The following PAK1 variants were observed in gnomAD, a reference collection of about 807,000 sequenced individuals.
PAK1 encodes serine/threonine-protein kinase PAK 1.
Under a neutral mutation model 67.4 loss-of-function variants are expected in PAK1, and 29 were observed. The observed-to-expected ratio is 0.43, with a 90% CI of 0.32 to 0.59. The LOEUF (loss-of-function observed/expected upper bound fraction) is 0.59. PAK1 is among the 20% of genes least tolerant of loss of function. PAK1 has a pLI of 0.07. For synonymous variants in PAK1, 223 were observed against 237.4 expected, an observed-to-expected ratio of 0.94 and a Z score of 0.56; for missense variants, 337 against 670.7, an observed-to-expected ratio of 0.50 and a Z score of 5.50.
At chr11:77,479,316 C>T (rs1443380193), upstream of PAK1, among the ~76,000 whole-genome samples, 1 of 152,114 alleles carries the variant, frequency 6.6e-6, no homozygotes. Flanking sequence ...AAACCCTGAG[C>T]AAAAGACCCA....
chr11:77,450,683 G>A (rs1592521434), intron 1 of PAK1, among the ~76,000 whole-genome samples: 1 of 152,182 alleles, frequency 6.6e-6, no homozygotes, highest in African/African-American at 2.4e-5. Flanking sequence ...TGAAACAGCA[G>A]AGGACTTAGA....
At position 77,435,772 on chromosome 11, in the gene PAK1, T is replaced by C. The variant is rs1956103504; in HGVS notation, c.-22+37780A>G. 2.0e-5 allele frequency among the ~76,000 whole-genome samples: 3 copies of C among 149,606 alleles called. No homozygotes were observed. In the South Asian group the frequency reaches 6.3e-4, roughly 32 times the overall value. On this transcript the variant is annotated intron_variant, in intron 1 of 14. Coordinates refer to ENST00000356341, the MANE Select transcript of PAK1 (RefSeq NM_002576.5). ...ATCCGCCTGCCTCGGCCTCCCAAAG[T>C]GCTGGGATTATAGGCGTAAGCCACT...
intron 1 of PAK1, among the ~76,000 whole-genome samples, chr11:77,434,835 T>A (rs1441294840): frequency 6.6e-6 from 1 of 152,016 alleles, no homozygotes; most frequent in East Asian, 1.9e-4. Context: ...CCCAGGCTGG[T>A]CTCCAACTCC....
chr11:77,332,176 C>T (rs563163881), intron 14 of PAK1, among the ~76,000 whole-genome samples: 73 of 148,468 alleles, frequency 4.9e-4, no homozygotes, highest in East Asian at 2.6e-3. Flanking sequence ...GGTATGGTGG[C>T]GTGCACCTGT....
At chr11:77,415,782 C>A (rs921453761) in intron 1 of PAK1, among the ~76,000 whole-genome samples, 2 of 152,008 alleles carry the variant, frequency 1.3e-5, no homozygotes, top group African/African-American at 4.8e-5. Flanking sequence ...TTACGCTGCA[C>A]TAAACTTAAA....
At chr11:77,433,453 G>A (rs1055720722) in intron 1 of PAK1, among the ~76,000 whole-genome samples, 7 of 152,258 alleles carry the variant, frequency 4.6e-5, no homozygotes, top group African/African-American at 1.4e-4. Flanking sequence ...TAGGAGACTT[G>A]TATCCAGGAT....
chr11:77,358,853 T>G, intron 6 of PAK1, 45 bp downstream of exon 6: 1 of 1,606,690 alleles, frequency 6.2e-7, no homozygotes, highest in Non-Finnish European at 8.5e-7. Flanking sequence ...CTCTCCCCAC[T>G]TACTCTAATA....
At chr11:77,469,682 A>G (rs1168257561) in intron 1 of PAK1, among the ~76,000 whole-genome samples, 1 of 150,880 alleles carries the variant, frequency 6.6e-6, no homozygotes, top group Non-Finnish European at 1.5e-5. Flanking sequence ...ACATCTGTGA[A>G]GAGACTTTTT....
chr11:77,417,072 G>C (rs939547950), intron 1 of PAK1, among the ~76,000 whole-genome samples: 4 of 152,140 alleles, frequency 2.6e-5, no homozygotes, highest in Non-Finnish European at 5.9e-5. Context: ...TGTGATGATG[G>C]CTATATCATA....
intron 1 of PAK1, among the ~76,000 whole-genome samples, chr11:77,452,700 A>G (rs1956911337): frequency 1.3e-5 from 2 of 152,216 alleles, no homozygotes; most frequent in African/African-American, 4.8e-5. Context: ...TTACCCATTC[A>G]AAAGGCATAT....
At chr11:77,445,856 C>G (rs745818386) in intron 1 of PAK1, among the ~76,000 whole-genome samples, 1 of 152,114 alleles carries the variant, frequency 6.6e-6, no homozygotes, top group Non-Finnish European at 1.5e-5. Flanking sequence ...CGTAAATGCC[C>G]TATTCTCCCT....
intron 1 of PAK1, among the ~76,000 whole-genome samples, chr11:77,452,317 C>G (rs1956895151): frequency 1.3e-5 from 2 of 152,190 alleles, no homozygotes; most frequent in Non-Finnish European, 2.9e-5. Flanking sequence ...GTACCCAGAT[C>G]TCATGCCCTC....
intron 5 of PAK1, among the ~76,000 whole-genome samples, chr11:77,365,904 A>C (rs1947512558): frequency 6.6e-6 from 1 of 152,204 alleles, no homozygotes; most frequent in South Asian, 2.1e-4. Context: ...TAAAGTCAAC[A>C]TGAAAATATT....
chr11:77,451,567 T>C (rs926947331), intron 1 of PAK1, among the ~76,000 whole-genome samples: 1 of 152,190 alleles, frequency 6.6e-6, no homozygotes, highest in African/African-American at 2.4e-5. Context: ...TTAAATATAT[T>C]TGCTTGCTTT....
At chr11:77,432,576 T>A (rs1955910524) in intron 1 of PAK1, among the ~76,000 whole-genome samples, 1 of 152,154 alleles carries the variant, frequency 6.6e-6, no homozygotes, top group African/African-American at 2.4e-5. Context: ...GAGGAATGCT[T>A]AAACCCAAGA....
intron 1 of PAK1, among the ~76,000 whole-genome samples, chr11:77,397,705 TA>T (rs1952020605): frequency 6.6e-6 from 1 of 152,218 alleles, no homozygotes; most frequent in Admixed American, 6.5e-5. Context: ...CTACTCTTAT[TA>T]CCCTGGATTC....
the PAK1 span, among the ~76,000 whole-genome samples, chr11:77,505,392 T>C: frequency 1.6e-4 from 24 of 152,314 alleles, 1 homozygote; most frequent in South Asian, 5.0e-3. Context: ...TTCATCATAT[T>C]GGCCAGGCTG....
At chr11:77,328,968 C>G (rs1347167830) in intron 14 of PAK1, among the ~76,000 whole-genome samples, 1 of 152,176 alleles carries the variant, frequency 6.6e-6, no homozygotes, top group Non-Finnish European at 1.5e-5. Context: ...ACCGATCCCA[C>G]AGAAATACAA....
At chr11:77,483,121 T>G in the PAK1 span, among the ~76,000 whole-genome samples, 1 of 149,472 alleles carries the variant, frequency 6.7e-6, no homozygotes, top group South Asian at 2.1e-4. Flanking sequence ...CGCTTGAACC[T>G]AAGAGGCGGA....
Sources: allele counts gnomAD v4.1 joint callset (sites outside exome capture counted in the v4.1 genomes callset), GRCh38; gene constraint gnomAD v4.1.1; transcripts MANE v1.5; gene names NCBI Gene and HGNC (gene_info 2026-07-23, HGNC 2026-07-21).